CCDC148: variants seen among roughly 807,000 people sequenced by gnomAD.
CCDC148 encodes coiled-coil domain containing 148, also known as coiled-coil domain-containing protein 148.
A neutral mutation model predicts 85.7 loss-of-function variants in CCDC148; 89 were observed. The observed-to-expected ratio is 1.04, with a 90% CI of 0.87 to 1.24. CCDC148 has a LOEUF of 1.24. Among genes scored for constraint, CCDC148 ranks in the 50% most tolerant of loss-of-function variants. CCDC148 has a pLI of 0.00. For synonymous variants in CCDC148, 230 were observed against 213.9 expected (o/e 1.08, Z -0.66); for missense variants, 692 against 671.7 (o/e 1.03, Z -0.33).
chr2:158,413,668 A>C (rs1297203667), intron 1 of CCDC148, among the ~76,000 whole-genome samples: 2 of 151,870 alleles, frequency 1.3e-5, no homozygotes, highest in Non-Finnish European at 2.9e-5. Flanking sequence ...AAGGACAGAT[A>C]GTAAATATTT....
At chr2:158,426,094 T>A in intron 1 of CCDC148, among the ~76,000 whole-genome samples, 1 of 128,620 alleles carries the variant, frequency 7.8e-6, no homozygotes, top group Non-Finnish European at 1.9e-5. Flanking sequence ...CAAATAAATA[T>A]AGAAAAGAAC....
chr2:158,360,555 A>T (rs1048984063), intron 1 of CCDC148, among the ~76,000 whole-genome samples: 4 of 152,176 alleles, frequency 2.6e-5, no homozygotes, highest in African/African-American at 9.7e-5. Flanking sequence ...ACCTCCAGCA[A>T]ACTCTAGCAG....
intron 10 of CCDC148, among the ~76,000 whole-genome samples, chr2:158,244,421 CT>C (rs1320630548): frequency 6.6e-6 from 1 of 152,160 alleles, no homozygotes; most frequent in African/African-American, 2.4e-5. Flanking sequence ...ATTGACAAAA[CT>C]GAGTTCTCAC....
intron 1 of CCDC148, among the ~76,000 whole-genome samples, chr2:158,396,539 C>A (rs1687043917): frequency 6.6e-6 from 1 of 152,056 alleles, no homozygotes. Flanking sequence ...TAATGTATTC[C>A]AGAATGTGGA....
intron 1 of CCDC148, among the ~76,000 whole-genome samples, chr2:158,438,497 G>T (rs1221832083): frequency 1.3e-5 from 2 of 152,014 alleles, no homozygotes; most frequent in Non-Finnish European, 2.9e-5. Flanking sequence ...AAGACTTGAA[G>T]GTTAGACCTA....
chr2:158,285,484 A>T (rs918639255), intron 9 of CCDC148, among the ~76,000 whole-genome samples: 5 of 152,034 alleles, frequency 3.3e-5, no homozygotes, highest in African/African-American at 1.2e-4. Flanking sequence ...ATATACACAT[A>T]CATTCATACA....
At chr2:158,201,909 A>AT (rs1435449552) in intron 11 of CCDC148, among the ~76,000 whole-genome samples, 19 of 152,156 alleles carry the variant, frequency 1.2e-4, no homozygotes, top group Admixed American at 1.2e-3. Flanking sequence ...AATTGTCCTT[A>AT]TTCTCAGTTA....
chr2:158,248,693 T>A (rs2105139636), intron 10 of CCDC148, among the ~76,000 whole-genome samples: 1 of 152,214 alleles, frequency 6.6e-6, no homozygotes, highest in African/African-American at 2.4e-5. Context: ...GATTTTCATG[T>A]TTTTTCAACA....
chr2:158,438,684 A>C (rs57650846), intron 1 of CCDC148, among the ~76,000 whole-genome samples: 25,178 of 152,114 alleles, frequency 0.17, 2,247 homozygotes, highest in Middle Eastern at 0.21. Context: ...CAGAGTGAAC[A>C]GGCAACCTAC....
rs1688763852 is a variant in CCDC148 at position 158,456,616 on chromosome 2, G to A, written c.-177C>T. 6 of 768,692 alleles carry A rather than the reference G, an allele frequency of 7.8e-6. No individual in the cohort carries two copies. The highest frequency in any genetic ancestry group is 1.9e-5 in the South Asian group (1 of 52,902). 47.6% of individuals were successfully genotyped at this position (768,692 alleles called of 1,614,324 possible). A position where few individuals can be genotyped will look rare whatever the true frequency, so the allele number is the denominator to read the frequency against. ...ATTGGCAGTAAGGCAAGGAAAGCCT[G>A]CCCCAGATTTCAGAGCCAGCGCTGG... On this transcript the variant is annotated 5_prime_UTR_variant, in exon 1 of 14. Coordinates refer to ENST00000283233, the MANE Select transcript of CCDC148 (RefSeq NM_138803.4).
In CCDC148 at chr2:158,445,502, T is replaced by A. The variant is rs185447004; in HGVS notation, c.25+10913A>T. ...TTGGAGCTAAATGATTTAAGTGATG[T>A]TTAAGACAAAGAAAAAAGCAAAAGA... On this transcript the variant is annotated intron_variant, in intron 1 of 13. Coordinates refer to ENST00000283233, the MANE Select transcript of CCDC148 (RefSeq NM_138803.4). Among the ~76,000 whole-genome samples, 88 of 152,258 alleles carry A rather than the reference T, an allele frequency of 5.8e-4. 1 individual carries two copies. In the East Asian group the frequency reaches 0.012, roughly 21 times the overall value.
chr2:158,407,497 A>AT (rs1229196599), intron 1 of CCDC148, among the ~76,000 whole-genome samples: 3 of 152,130 alleles, frequency 2.0e-5, no homozygotes, highest in Non-Finnish European at 2.9e-5. Flanking sequence ...AATACATGAG[A>AT]TTTTTTAAAT....
chr2:158,189,238 A>G (rs1010923806), intron 11 of CCDC148, among the ~76,000 whole-genome samples: 1 of 151,848 alleles, frequency 6.6e-6, no homozygotes, highest in Non-Finnish European at 1.5e-5. Context: ...GGCAAGACTC[A>G]TGCCCTGGAT....
At chr2:158,237,178 G>A (rs1004717763) in intron 10 of CCDC148, among the ~76,000 whole-genome samples, 12 of 152,148 alleles carry the variant, frequency 7.9e-5, no homozygotes, top group African/African-American at 2.9e-4. Flanking sequence ...GGAGCTCAAC[G>A]ATGGGAAGAG....
At chr2:158,294,096 G>C (rs1002114230) in intron 9 of CCDC148, among the ~76,000 whole-genome samples, 1 of 132,758 alleles carries the variant, frequency 7.5e-6, no homozygotes, top group South Asian at 2.8e-4. Flanking sequence ...TCCCCACCCC[G>C]CCAAGTCCTC....
intron 1 of CCDC148, among the ~76,000 whole-genome samples, chr2:158,359,295 T>C (rs1247198015): frequency 6.6e-6 from 1 of 152,128 alleles, no homozygotes; most frequent in East Asian, 1.9e-4. Flanking sequence ...AGTAATTGGA[T>C]TTATTAAGTA....
chr2:158,181,704 A>G (rs138602382), intron 11 of CCDC148, among the ~76,000 whole-genome samples: 298 of 152,170 alleles, frequency 2.0e-3, no homozygotes, highest in African/African-American at 6.8e-3. Flanking sequence ...CAGAGGTGAG[A>G]GTGAGCAGGT....
intron 1 of CCDC148, among the ~76,000 whole-genome samples, chr2:158,381,725 C>CA (rs1224984890): frequency 2.6e-5 from 4 of 151,892 alleles, no homozygotes; most frequent in East Asian, 3.9e-4. Context: ...ACTGACTCTA[C>CA]AAAAAAAATG....
intron 1 of CCDC148, among the ~76,000 whole-genome samples, chr2:158,426,506 A>T (rs1687085724): frequency 6.6e-6 from 1 of 152,094 alleles, no homozygotes; most frequent in Non-Finnish European, 1.5e-5. Context: ...AGTGTTCCTG[A>T]CTCCTGTCAT....
Sources: gnomAD v4.1 joint callset for allele counts (sites outside exome capture counted in the v4.1 genomes callset) on GRCh38, gnomAD v4.1.1 for gene constraint, MANE v1.5 for transcripts, NCBI Gene and HGNC (gene_info 2026-07-23, HGNC 2026-07-21) for gene names.